DCDC2: variants seen among roughly 807,000 people sequenced by gnomAD.
The protein encoded by DCDC2 is doublecortin domain containing 2, also known as doublecortin domain-containing protein 2.
A neutral mutation model predicts 50.2 loss-of-function variants in DCDC2; 40 were observed. The ratio of observed to expected loss-of-function variants is 0.80; its 90% CI spans 0.62 to 1.04. DCDC2 has a LOEUF of 1.04. Ranked by LOEUF, DCDC2 falls within the 50% of genes least tolerant of loss-of-function variation. DCDC2 has a pLI of 0.00. For synonymous variants in DCDC2, 234 were observed against 210.6 expected, an observed-to-expected ratio of 1.11 and a Z score of -0.96; for missense variants, 570 against 581.9, an observed-to-expected ratio of 0.98 and a Z score of 0.21.
At chr6:24,265,052 G>A (rs1255580485) in intron 7 of DCDC2, among the ~76,000 whole-genome samples, 4 of 152,122 alleles carry the variant, frequency 2.6e-5, no homozygotes, top group Non-Finnish European at 5.9e-5. Flanking sequence ...TGTAATCCCA[G>A]CACTGTGGGA....
At chr6:24,301,370 C>CAAAAAAA (rs59055669) in intron 4 of DCDC2, among the ~76,000 whole-genome samples, 10 of 64,074 alleles carry the variant, frequency 1.6e-4, no homozygotes, top group South Asian at 7.3e-4. Flanking sequence ...GGCTCCATCT[C>CAAAAAAA]AAAAAAAAAA....
intron 7 of DCDC2, among the ~76,000 whole-genome samples, chr6:24,227,706 C>A (rs1425013338): frequency 1.3e-5 from 2 of 152,202 alleles, no homozygotes; most frequent in Non-Finnish European, 2.9e-5. Context: ...ATGACAGAAT[C>A]CACCTGCTGG....
chr6:24,287,495 T>A (rs1763638485), intron 6 of DCDC2, among the ~76,000 whole-genome samples: 1 of 152,172 alleles, frequency 6.6e-6, no homozygotes, highest in South Asian at 2.1e-4. Context: ...ACTTCCTTTT[T>A]TCATTCCTTT....
In DCDC2 at chr6:24,172,613, A is replaced by G. The variant is rs1760805997; in HGVS notation, c.*2117T>C. On this transcript the variant is annotated 3_prime_UTR_variant, in exon 10 of 10. Transcript: ENST00000378454. Reference sequence around the variant, plus strand: ...GAGAATCACCTTGATAATTAGTTATAATTTCTTACATTTAATCAGTTATTT... The same window carrying G: ...GAGAATCACCTTGATAATTAGTTATGATTTCTTACATTTAATCAGTTATTT... 1 of 151,614 alleles carries G rather than the reference A, an allele frequency of 6.6e-6. No homozygotes were observed. The highest frequency in any genetic ancestry group is 6.5e-5 in the Admixed American group (1 of 15,270). The allele number at this position is 151,614 out of a possible 1,614,324, so 9.4% of individuals were successfully genotyped here.
At chr6:24,198,533 G>A (rs979881365) in intron 8 of DCDC2, among the ~76,000 whole-genome samples, 10 of 152,056 alleles carry the variant, frequency 6.6e-5, no homozygotes, top group African/African-American at 2.4e-4. Flanking sequence ...TCCCTCAGGT[G>A]CCTACACCAC....
At chr6:24,194,905 T>G (rs918955156) in intron 8 of DCDC2, among the ~76,000 whole-genome samples, 2 of 152,200 alleles carry the variant, frequency 1.3e-5, no homozygotes, top group Non-Finnish European at 2.9e-5. Context: ...GTGAACATTC[T>G]TCTGTCTTTC....
intron 6 of DCDC2, among the ~76,000 whole-genome samples, chr6:24,284,210 G>A (rs375299570): frequency 7.9e-5 from 12 of 152,174 alleles, no homozygotes; most frequent in South Asian, 2.1e-4. Context: ...GCCACCTAGC[G>A]GACTCACCTA....
At chr6:24,382,001 A>AAGGCAGGC in the DCDC2 span, among the ~76,000 whole-genome samples, 2 of 113,144 alleles carry the variant, frequency 1.8e-5, no homozygotes, top group South Asian at 4.1e-4. Context: ...GGAAGGAAGG[A>AAGGCAGGC]AGGAAGGAAG....
At chr6:24,271,203 C>A (rs1289926982) in intron 7 of DCDC2, among the ~76,000 whole-genome samples, 1 of 478 alleles carries the variant, frequency 2.1e-3, no homozygotes, top group Non-Finnish European at 5.8e-3. Flanking sequence ...GTGAGACACT[C>A]CCTCAAAAAA....
chr6:24,254,824 C>T (rs1478676125), intron 7 of DCDC2, among the ~76,000 whole-genome samples: 2 of 100,852 alleles, frequency 2.0e-5, no homozygotes, highest in Non-Finnish European at 4.8e-5. Context: ...CAATGTAATT[C>T]ATACTATAAA....
Position 24,323,803 on chromosome 6 carries a change from C to T in DCDC2, c.349-21759G>A, listed in dbSNP as rs548585976. On this transcript the variant is annotated intron_variant, in intron 2 of 9. Coordinates refer to ENST00000378454, the MANE Select transcript of DCDC2 (RefSeq NM_016356.5). ...CTTAAGCATAAACTTCTGTCATTTG[C>T]TTACATTGGGTTTTGTTTTAGTTTC... Among the ~76,000 whole-genome samples the T allele has an allele frequency of 5.3e-5, 8 of 152,250 alleles. No homozygotes were observed. In the East Asian group the frequency reaches 1.5e-3, roughly 29 times the overall value.
chr6:24,199,777 AG>A (rs1303183995), intron 8 of DCDC2, among the ~76,000 whole-genome samples: 1 of 152,228 alleles, frequency 6.6e-6, no homozygotes, highest in African/African-American at 2.4e-5. Flanking sequence ...AAAAGGTTAG[AG>A]GAATTGCTAA....
Position 24,291,048 on chromosome 6 carries a change from C to T in DCDC2, c.588G>A (p.Glu196=). 6.2e-7 allele frequency: 1 copy of T among 1,613,574 alleles called. No homozygotes were observed. The highest frequency in any genetic ancestry group is 1.7e-5 in the Admixed American group (1 of 59,804). ...RLYTLEGKLV[E]SGAELENGQF... ...GCCCATTCTCCAACTCTGCTCCACT[C>T]TCAACAAGTTTTCCTTCTAAAGTAT... The change falls in exon 5 of 10, where the codon GAG becomes GAA. Residue 196 remains glutamate (E), a synonymous_variant. Transcript: ENST00000378454.
upstream of DCDC2, among the ~76,000 whole-genome samples, chr6:24,362,957 G>A (rs992456836): frequency 2.0e-5 from 3 of 152,204 alleles, no homozygotes; most frequent in African/African-American, 4.8e-5. Context: ...TGAGCAAAGT[G>A]AGAAGGCTTT....
intron 7 of DCDC2, among the ~76,000 whole-genome samples, chr6:24,264,094 G>T (rs901617453): frequency 1.1e-4 from 16 of 151,968 alleles, no homozygotes; most frequent in African/African-American, 3.9e-4. Flanking sequence ...CATATTTAAA[G>T]TGAAGAAAAA....
chr6:24,261,038 CTA>C (rs1762997660), intron 7 of DCDC2, among the ~76,000 whole-genome samples: 1 of 152,158 alleles, frequency 6.6e-6, no homozygotes, highest in South Asian at 2.1e-4. Flanking sequence ...TGGGAACTGT[CTA>C]TGCTTTTAAT....
At chr6:24,355,420 A>C (rs544900034) in intron 1 of DCDC2, among the ~76,000 whole-genome samples, 5 of 152,294 alleles carry the variant, frequency 3.3e-5, no homozygotes, top group African/African-American at 1.2e-4. Flanking sequence ...ATATTTAATA[A>C]AAAATAAAGT....
chr6:24,295,273 C>A (rs1368032308), intron 4 of DCDC2, among the ~76,000 whole-genome samples: 1 of 152,128 alleles, frequency 6.6e-6, no homozygotes, highest in African/African-American at 2.4e-5. Flanking sequence ...AATTCAACAT[C>A]CCTTCAAGTT....
At chr6:24,200,304 T>C (rs1171903794) in intron 8 of DCDC2, among the ~76,000 whole-genome samples, 1 of 152,102 alleles carries the variant, frequency 6.6e-6, no homozygotes, top group African/African-American at 2.4e-5. Context: ...AGACCAGCAG[T>C]GAATCTCTCT....
Sources: gnomAD v4.1 joint callset for allele counts (sites outside exome capture counted in the v4.1 genomes callset) on GRCh38, gnomAD v4.1.1 for gene constraint, MANE v1.5 for transcripts, NCBI Gene and HGNC (gene_info 2026-07-23, HGNC 2026-07-21) for gene names.